RBFOX1: variants seen among roughly 807,000 people sequenced by gnomAD.
The protein encoded by RBFOX1 is RNA binding fox-1 homolog 1.
Under a neutral mutation model 57.7 loss-of-function variants are expected in RBFOX1, and 8 were observed. That is an observed-to-expected ratio of 0.14 (90% CI 0.08 to 0.25). The LOEUF (loss-of-function observed/expected upper bound fraction) is 0.25, where lower values mean the gene tolerates loss of function less well. RBFOX1 is among the 10% of genes least tolerant of loss of function. The probability of loss-of-function intolerance (pLI) is 1.00; values close to 1 mark genes in which losing one functional copy is unlikely to be tolerated. For synonymous variants in RBFOX1, 326 were observed against 222.4 expected (o/e 1.47, Z -4.15); for missense variants, 611 against 548.5 (o/e 1.11, Z -1.14).
chr16:6,921,662 G>C lies in RBFOX1; in HGVS notation c.-15-130395G>C, dbSNP rs144331818. Reference sequence around the variant, plus strand: ...ATATATATATTTTTTTTTTTCTTAGGGTTGCTTTCAATCAATAGACAGTAT... The same window carrying C: ...ATATATATATTTTTTTTTTTCTTAGCGTTGCTTTCAATCAATAGACAGTAT... On this transcript the variant is annotated intron_variant, in intron 3 of 15. Transcript: ENST00000550418. 2.1e-3 allele frequency among the ~76,000 whole-genome samples: 306 copies of C among 148,008 alleles called. 1 individual carries two copies. The highest frequency in any genetic ancestry group is 7.3e-3 in the African/African-American group (291 of 39,654).
chr16:6,712,326 T>A (rs994530868), intron 3 of RBFOX1, among the ~76,000 whole-genome samples: 2 of 152,174 alleles, frequency 1.3e-5, no homozygotes, highest in Non-Finnish European at 2.9e-5. Context: ...AATACCCATT[T>A]GCGCATGTGT....
intron 3 of RBFOX1, among the ~76,000 whole-genome samples, chr16:6,880,006 T>C (rs1311664956): frequency 6.6e-6 from 1 of 152,204 alleles, no homozygotes; most frequent in Non-Finnish European, 1.5e-5. Context: ...AGTCTTAATC[T>C]TTCATACTTG....
At chr16:7,368,815 A>T (rs1260919263) in intron 4 of RBFOX1, among the ~76,000 whole-genome samples, 1 of 151,778 alleles carries the variant, frequency 6.6e-6, no homozygotes, top group Non-Finnish European at 1.5e-5. Flanking sequence ...ATTGGAGTGT[A>T]TGTCCTTCTA....
Position 6,431,884 on chromosome 16 carries a change from GCTTGCTTGCTTGCTTT to G in RBFOX1, c.-64+114831_-64+114846del, listed in dbSNP as rs1443867022. Among the ~76,000 whole-genome samples the G allele has an allele frequency of 6.4e-5, 7 of 108,566 alleles. No homozygotes were observed. In the East Asian group the frequency reaches 1.4e-3, roughly 22 times the overall value. 71.2% of individuals were successfully genotyped at this position (108,566 alleles called of 152,430 possible). On this transcript the variant is annotated intron_variant, in intron 2 of 15. Coordinates refer to ENST00000550418, the MANE Select transcript of RBFOX1 (RefSeq NM_018723.4). ...TATTTATGAACATGTCCAGAAATAT[GCTTGCTTGCTTGCTTT>G]CTTTCTTTCTTTCTTTCTTTCTTTC...
chr16:7,172,273 C>CAA (rs1489365630), intron 4 of RBFOX1, among the ~76,000 whole-genome samples: 1 of 152,060 alleles, frequency 6.6e-6, no homozygotes, highest in Non-Finnish European at 1.5e-5. Context: ...CAAACCCCAT[C>CAA]AAAAAAACCA....
chr16:5,838,937 G>A (rs778648639), intron 3 of RBFOX1, among the ~76,000 whole-genome samples: 20 of 152,182 alleles, frequency 1.3e-4, no homozygotes, highest in Non-Finnish European at 4.4e-5. Flanking sequence ...GTGCTTCTCA[G>A]CTGGAGGAAA....
At chr16:6,851,796 C>G (rs1323371583) in intron 3 of RBFOX1, among the ~76,000 whole-genome samples, 1 of 152,176 alleles carries the variant, frequency 6.6e-6, no homozygotes, top group East Asian at 1.9e-4. Flanking sequence ...ACCCTTAACT[C>G]CTTCCTCTGG....
At chr16:7,576,420 A>T (rs1403929777) in intron 5 of RBFOX1, among the ~76,000 whole-genome samples, 1 of 151,964 alleles carries the variant, frequency 6.6e-6, no homozygotes, top group Non-Finnish European at 1.5e-5. Flanking sequence ...TCACTCCTCA[A>T]CCTCTACTTC....
At chr16:6,076,743 G>A (rs1296550068) in intron 1 of RBFOX1, among the ~76,000 whole-genome samples, 1 of 152,126 alleles carries the variant, frequency 6.6e-6, no homozygotes, top group African/African-American at 2.4e-5. Flanking sequence ...AGACAAGCTC[G>A]CTGTCAAACT....
At chr16:7,642,744 T>G (rs2063056204) in intron 11 of RBFOX1, among the ~76,000 whole-genome samples, 1 of 152,214 alleles carries the variant, frequency 6.6e-6, no homozygotes, top group Non-Finnish European at 1.5e-5. Flanking sequence ...GTACAGATTT[T>G]GTTAAACTAA....
At chr16:6,782,256 C>T (rs114152081) in intron 3 of RBFOX1, among the ~76,000 whole-genome samples, 4,092 of 152,230 alleles carry the variant, frequency 0.027, 179 homozygotes, top group African/African-American at 0.091. Flanking sequence ...CTGCCCACCT[C>T]GGGCTCCCAA....
intron 14 of RBFOX1, among the ~76,000 whole-genome samples, chr16:7,701,622 G>T (rs1204705125): frequency 6.6e-6 from 1 of 152,148 alleles, no homozygotes; most frequent in African/African-American, 2.4e-5. Context: ...TTAGGGACTG[G>T]TTTAGTTCCT....
intron 4 of RBFOX1, among the ~76,000 whole-genome samples, chr16:7,482,920 C>A (rs915577212): frequency 1.3e-5 from 2 of 152,092 alleles, no homozygotes; most frequent in African/African-American, 4.8e-5. Context: ...CAATTAACTC[C>A]CTTTTTGACT....
At chr16:7,288,927 G>T (rs887049128) in intron 4 of RBFOX1, among the ~76,000 whole-genome samples, 1 of 152,194 alleles carries the variant, frequency 6.6e-6, no homozygotes, top group African/African-American at 2.4e-5. Flanking sequence ...GAACAACATT[G>T]GAATCGTTTG....
intron 2 of RBFOX1, among the ~76,000 whole-genome samples, chr16:5,491,120 C>T (rs1049705092): frequency 6.6e-6 from 1 of 152,154 alleles, no homozygotes; most frequent in African/African-American, 2.4e-5. Context: ...GTCATATCTG[C>T]AGTCTGTCAT....
intron 9 of RBFOX1, among the ~76,000 whole-genome samples, chr16:7,606,708 T>C (rs1227748826): frequency 6.6e-5 from 10 of 152,226 alleles, no homozygotes; most frequent in African/African-American, 2.4e-4. Context: ...ATATCATACA[T>C]TGATTAAGAA....
intron 1 of RBFOX1, among the ~76,000 whole-genome samples, chr16:6,030,407 A>G (rs1052628771): frequency 1.1e-4 from 17 of 152,330 alleles, no homozygotes; most frequent in Non-Finnish European, 2.4e-4. Flanking sequence ...TTTATAGTTC[A>G]GTCACAGTAG....
At chr16:7,076,581 A>G (rs991630872) in intron 4 of RBFOX1, among the ~76,000 whole-genome samples, 4 of 152,200 alleles carry the variant, frequency 2.6e-5, no homozygotes, top group Non-Finnish European at 5.9e-5. Flanking sequence ...AGATACTTGA[A>G]TTTCTTCAAA....
At chr16:5,922,209 C>T (rs751656608) in intron 4 of RBFOX1, among the ~76,000 whole-genome samples, 19 of 152,024 alleles carry the variant, frequency 1.2e-4, no homozygotes, top group South Asian at 4.1e-4. Context: ...GAACTCAGAG[C>T]GAGAACTCAC....
Sources: gnomAD v4.1 joint callset for allele counts (sites outside exome capture counted in the v4.1 genomes callset) on GRCh38, gnomAD v4.1.1 for gene constraint, MANE v1.5 for transcripts, NCBI Gene and HGNC (gene_info 2026-07-23, HGNC 2026-07-21) for gene names.